The following VAV3 variants were observed in gnomAD, a reference collection of about 807,000 sequenced individuals.
VAV3 encodes the protein vav guanine nucleotide exchange factor 3, also known as guanine nucleotide exchange factor VAV3.
In VAV3, 94 loss-of-function variants were observed where a neutral mutation model predicts 131.2. The observed-to-expected ratio is 0.72, with a 90% CI of 0.61 to 0.85. The LOEUF (loss-of-function observed/expected upper bound fraction) is 0.85. VAV3 is among the 40% of genes least tolerant of loss of function. VAV3 has a pLI of 0.00. For synonymous variants in VAV3, 349 were observed against 342.0 expected, an observed-to-expected ratio of 1.02 and a Z score of -0.22; for missense variants, 939 against 1,002.7, an observed-to-expected ratio of 0.94 and a Z score of 0.86.
At chr1:107,853,361 T>G (rs1244791732) in intron 2 of VAV3, among the ~76,000 whole-genome samples, 1 of 152,178 alleles carries the variant, frequency 6.6e-6, no homozygotes, top group Non-Finnish European at 1.5e-5. Context: ...TGTTTTCCAT[T>G]GTAATCCATT....
intron 25 of VAV3, among the ~76,000 whole-genome samples, chr1:107,587,421 A>G (rs1366819929): frequency 1.3e-5 from 2 of 152,144 alleles, no homozygotes; most frequent in African/African-American, 4.8e-5. Flanking sequence ...TTTAGGAAGA[A>G]AAACTGGGAA....
At chr1:107,902,276 C>T (rs562683246) in intron 1 of VAV3, among the ~76,000 whole-genome samples, 1 of 152,222 alleles carries the variant, frequency 6.6e-6, no homozygotes, top group African/African-American at 2.4e-5. Flanking sequence ...GATTAAAAGG[C>T]CATCTGTGAT....
intron 15 of VAV3, among the ~76,000 whole-genome samples, chr1:107,710,908 C>T (rs188506585): frequency 1.2e-4 from 19 of 152,108 alleles, no homozygotes; most frequent in Admixed American, 8.5e-4. Flanking sequence ...ATAAACTAGA[C>T]ATTAAGGGAT....
At chr1:107,643,413 T>G (rs139054658) in intron 19 of VAV3, among the ~76,000 whole-genome samples, 86 of 152,298 alleles carry the variant, frequency 5.6e-4, no homozygotes, top group Middle Eastern at 3.4e-3. Context: ...GAATGTGCAA[T>G]GAAGGCCTCA....
chr1:107,612,155 CAT>C (rs946701141), intron 21 of VAV3, among the ~76,000 whole-genome samples: 7 of 147,068 alleles, frequency 4.8e-5, no homozygotes, highest in African/African-American at 1.7e-4. Flanking sequence ...CACACACACA[CAT>C]ACATACAGAA....
chr1:107,777,976 G>A (rs960508351), intron 3 of VAV3, among the ~76,000 whole-genome samples: 4 of 152,094 alleles, frequency 2.6e-5, no homozygotes, highest in African/African-American at 9.7e-5. Context: ...CCCACTGTGT[G>A]GCTTCCTTGT....
chr1:107,817,020 T>C (rs1251696060), intron 2 of VAV3, among the ~76,000 whole-genome samples: 1 of 152,188 alleles, frequency 6.6e-6, no homozygotes, highest in Non-Finnish European at 1.5e-5. Flanking sequence ...CACAACAGTG[T>C]TCCTCCAATA....
At chr1:107,664,535 C>T (rs1657272831) in intron 19 of VAV3, among the ~76,000 whole-genome samples, 2 of 152,298 alleles carry the variant, frequency 1.3e-5, no homozygotes, top group South Asian at 4.1e-4. Flanking sequence ...AATTTTCACA[C>T]CACAAACCAG....
intron 19 of VAV3, among the ~76,000 whole-genome samples, chr1:107,678,874 T>A (rs1462799067): frequency 2.0e-5 from 3 of 152,090 alleles, no homozygotes; most frequent in African/African-American, 7.2e-5. Flanking sequence ...TAATTGTTTT[T>A]AAGACACTGC....
At chr1:107,909,998 T>C (rs1672292825) in intron 1 of VAV3, among the ~76,000 whole-genome samples, 1 of 152,224 alleles carries the variant, frequency 6.6e-6, no homozygotes, top group Admixed American at 6.5e-5. Context: ...GTTATCATTA[T>C]TGATAATATT....
intron 2 of VAV3, among the ~76,000 whole-genome samples, chr1:107,810,816 G>T (rs1467922385): frequency 1.3e-5 from 2 of 152,006 alleles, no homozygotes; most frequent in African/African-American, 4.8e-5. Context: ...GCAGAAAAAT[G>T]GGTGAAAAAC....
intron 15 of VAV3, among the ~76,000 whole-genome samples, chr1:107,715,034 A>G (rs942435663): frequency 2.0e-5 from 3 of 152,198 alleles, no homozygotes; most frequent in Non-Finnish European, 4.4e-5. Flanking sequence ...AAAAGATGTC[A>G]GATTATCTGT....
chr1:107,640,610 A>T (rs574565271), intron 20 of VAV3, among the ~76,000 whole-genome samples: 8 of 152,318 alleles, frequency 5.3e-5, no homozygotes, highest in African/African-American at 1.9e-4. Flanking sequence ...TGTGTGTTCA[A>T]ACTTATCAAA....
At chr1:107,585,800 T>C (rs1337476921) in intron 25 of VAV3, among the ~76,000 whole-genome samples, 1 of 152,182 alleles carries the variant, frequency 6.6e-6, no homozygotes, top group Non-Finnish European at 1.5e-5. Context: ...CAAACTCCCA[T>C]TGTCCTACTG....
At chr1:107,844,304 C>T (rs1216850524) in intron 2 of VAV3, among the ~76,000 whole-genome samples, 1 of 152,146 alleles carries the variant, frequency 6.6e-6, no homozygotes, top group African/African-American at 2.4e-5. Context: ...CTATGTTTTT[C>T]CCACTATCTT....
intron 1 of VAV3, among the ~76,000 whole-genome samples, chr1:107,903,700 T>C (rs1193991162): frequency 1.3e-5 from 2 of 152,184 alleles, no homozygotes; most frequent in African/African-American, 4.8e-5. Flanking sequence ...TTTATATTTG[T>C]TGAAAAACTC....
chr1:107,647,127 C>A (rs556884915), intron 19 of VAV3, among the ~76,000 whole-genome samples: 4 of 151,112 alleles, frequency 2.6e-5, no homozygotes, highest in Admixed American at 6.6e-5. Flanking sequence ...GCAAGAAGAG[C>A]GATTGCTACA....
At chr1:107,947,532 T>C (rs1674326747) in intron 1 of VAV3, among the ~76,000 whole-genome samples, 1 of 152,152 alleles carries the variant, frequency 6.6e-6, no homozygotes, top group African/African-American at 2.4e-5. Context: ...ATCTTGCCCA[T>C]CTGAGTTCAC....
At chr1:107,839,573 G>GA (rs985702009) in intron 2 of VAV3, among the ~76,000 whole-genome samples, 15 of 151,924 alleles carry the variant, frequency 9.9e-5, no homozygotes, top group African/African-American at 2.9e-4. Context: ...TATTAAACCA[G>GA]AAAAAATATC....
Sources: gnomAD v4.1 joint callset for allele counts (sites outside exome capture counted in the v4.1 genomes callset) on GRCh38, gnomAD v4.1.1 for gene constraint, MANE v1.5 for transcripts, NCBI Gene and HGNC (gene_info 2026-07-23, HGNC 2026-07-21) for gene names.